PTPRO: variants seen among roughly 807,000 people sequenced by gnomAD.
PTPRO encodes the protein protein tyrosine phosphatase receptor type O, also known as receptor-type tyrosine-protein phosphatase O.
Under a neutral mutation model 145.2 loss-of-function variants are expected in PTPRO, and 62 were observed. The observed-to-expected ratio is 0.43, with a 90% CI of 0.35 to 0.53. PTPRO has a LOEUF of 0.53. Ranked by LOEUF, PTPRO falls within the 20% of genes least tolerant of loss-of-function variation. The pLI is 0.01. For synonymous variants in PTPRO, 565 were observed against 514.7 expected (o/e 1.10, Z -1.32); for missense variants, 1,345 against 1,482.7 (o/e 0.91, Z 1.53).
chr12:15,412,602 A>G (rs1939830485), intron 1 of PTPRO, among the ~76,000 whole-genome samples: 1 of 152,210 alleles, frequency 6.6e-6, no homozygotes, highest in African/African-American at 2.4e-5. Flanking sequence ...ATTGTTCTGG[A>G]TAACATTTTA....
chr12:15,452,908 A>G (rs1941082589), intron 1 of PTPRO, among the ~76,000 whole-genome samples: 1 of 152,192 alleles, frequency 6.6e-6, no homozygotes, highest in African/African-American at 2.4e-5. Context: ...TTCCATTTGG[A>G]AAAAAATCTC....
chr12:15,552,773 A>C (rs1468186081), intron 15 of PTPRO, among the ~76,000 whole-genome samples: 1 of 147,200 alleles, frequency 6.8e-6, no homozygotes, highest in Non-Finnish European at 1.5e-5. Context: ...GAGCTCTGAA[A>C]TTACACTCCT....
At chr12:15,433,527 T>C (rs1279650109) in intron 1 of PTPRO, among the ~76,000 whole-genome samples, 1 of 152,206 alleles carries the variant, frequency 6.6e-6, no homozygotes, top group African/African-American at 2.4e-5. Context: ...CTTGAGTTGA[T>C]TTTTGTACAC....
chr12:15,461,186 A>G (rs991180166), intron 1 of PTPRO, among the ~76,000 whole-genome samples: 1 of 152,198 alleles, frequency 6.6e-6, no homozygotes, highest in African/African-American at 2.4e-5. Context: ...CTTTATCTTA[A>G]CCCAGACATT....
chr12:15,458,202 G>A (rs1941222984), intron 1 of PTPRO, among the ~76,000 whole-genome samples: 1 of 152,020 alleles, frequency 6.6e-6, no homozygotes, highest in South Asian at 2.1e-4. Flanking sequence ...GACATGCAAG[G>A]TTTCTGCTGA....
intron 25 of PTPRO, 71 bp downstream of exon 25, chr12:15,589,661 G>A: frequency 6.4e-7 from 1 of 1,550,570 alleles, no homozygotes; most frequent in Non-Finnish European, 8.9e-7. Flanking sequence ...TCAATGATAT[G>A]CTTCAAAACA....
At chr12:15,517,432 C>T (rs576644247) in intron 9 of PTPRO, among the ~76,000 whole-genome samples, 2 of 152,246 alleles carry the variant, frequency 1.3e-5, no homozygotes, top group African/African-American at 4.8e-5. Flanking sequence ...TATTATTCTG[C>T]CCCTTGCCCC....
At chr12:15,342,486 G>T (rs528128646) in intron 1 of PTPRO, among the ~76,000 whole-genome samples, 1 of 152,082 alleles carries the variant, frequency 6.6e-6, no homozygotes, top group Non-Finnish European at 1.5e-5. Context: ...ATCATTCAGT[G>T]TCTCCTTGGA....
At chr12:15,428,219 C>T (rs1237885207) in intron 1 of PTPRO, among the ~76,000 whole-genome samples, 2 of 152,166 alleles carry the variant, frequency 1.3e-5, no homozygotes, top group Non-Finnish European at 2.9e-5. Flanking sequence ...AACAGCATCA[C>T]TGTTTTCAGA....
At chr12:15,590,953 T>C (rs1278525834) in intron 25 of PTPRO, among the ~76,000 whole-genome samples, 1 of 152,210 alleles carries the variant, frequency 6.6e-6, no homozygotes, top group African/African-American at 2.4e-5. Context: ...CCTTGATATG[T>C]GATTAAAAAT....
In PTPRO at chr12:15,515,552, G is replaced by C; in HGVS notation, c.1519G>C (p.Val507Leu). The C allele has an allele frequency of 6.2e-7, 1 of 1,613,964 alleles. No individual in the cohort carries two copies. Reference protein sequence around the residue: ...ENLVPGAQYQVVIYLRKGPLI... With the variant: ...ENLVPGAQYQLVIYLRKGPLI... ...TCTGGTTCCTGGTGCCCAGTACCAG[G>C]TTGTAATATACCTAAGGAAAGGCCC... Residue 507 changes from valine to leucine, a missense_variant, in exon 8 of 27, where the codon GTT becomes CTT. This residue lies in a region of PTPRO where 1,130 missense variants were observed against 1,214.7 expected (regional missense o/e 0.93). Transcript: ENST00000281171.
intron 23 of PTPRO, among the ~76,000 whole-genome samples, chr12:15,584,981 C>G (rs980248304): frequency 1.3e-5 from 2 of 152,156 alleles, no homozygotes; most frequent in African/African-American, 2.4e-5. Flanking sequence ...GAGCTGGAGA[C>G]TAAAGATCAT....
At chr12:15,465,647 A>G (rs1941399201) in intron 1 of PTPRO, among the ~76,000 whole-genome samples, 1 of 152,212 alleles carries the variant, frequency 6.6e-6, no homozygotes, top group South Asian at 2.1e-4. Flanking sequence ...AGAAAGTGGC[A>G]CTTGAATAGT....
intron 1 of PTPRO, among the ~76,000 whole-genome samples, chr12:15,421,622 C>A (rs1293023819): frequency 6.6e-6 from 1 of 152,002 alleles, no homozygotes; most frequent in East Asian, 1.9e-4. Context: ...AAGAAGAAAG[C>A]AAAAATAAAA....
At chr12:15,416,130 T>C (rs1939964496) in intron 1 of PTPRO, among the ~76,000 whole-genome samples, 1 of 151,690 alleles carries the variant, frequency 6.6e-6, no homozygotes, top group African/African-American at 2.4e-5. Flanking sequence ...AGTGTCTAGC[T>C]CATATTCATT....
intron 1 of PTPRO, among the ~76,000 whole-genome samples, chr12:15,451,780 C>G (rs965114278): frequency 1.3e-5 from 2 of 152,218 alleles, no homozygotes; most frequent in South Asian, 2.1e-4. Context: ...CAAAATTAAA[C>G]AATTATTTGA....
chr12:15,547,008 T>C (rs541742026), intron 13 of PTPRO, among the ~76,000 whole-genome samples: 7 of 152,174 alleles, frequency 4.6e-5, no homozygotes, highest in Non-Finnish European at 8.8e-5. Flanking sequence ...CAATATAAAA[T>C]ATAATTTAAC....
chr12:15,452,031 T>C (rs1941059515), intron 1 of PTPRO, among the ~76,000 whole-genome samples: 1 of 151,700 alleles, frequency 6.6e-6, no homozygotes, highest in South Asian at 2.1e-4. Flanking sequence ...CAAAAAAGCA[T>C]GCAAAAGATA....
chr12:15,351,156 C>T (rs943022789), intron 1 of PTPRO, among the ~76,000 whole-genome samples: 1 of 152,000 alleles, frequency 6.6e-6, no homozygotes, highest in African/African-American at 2.4e-5. Context: ...TGCTGCCGTT[C>T]CCAGGATGCC....
Sources: gnomAD v4.1 joint callset for allele counts (sites outside exome capture counted in the v4.1 genomes callset) on GRCh38, gnomAD v4.1.1 for gene constraint, gnomAD v4.1.1 regional missense constraint, MANE v1.5 for transcripts, NCBI Gene and HGNC (gene_info 2026-07-23, HGNC 2026-07-21) for gene names.